DLL3: variants seen among roughly 807,000 people sequenced by gnomAD.
DLL3 encodes delta-like protein 3.
Under a neutral mutation model 55.0 loss-of-function variants are expected in DLL3, and 49 were observed. The observed-to-expected ratio is 0.89, with a 90% confidence interval of 0.71 to 1.13. The LOEUF (loss-of-function observed/expected upper bound fraction) is 1.13, where lower values mean the gene tolerates loss of function less well. DLL3 is among the 50% of genes most tolerant of loss of function. The pLI, the probability that DLL3 is intolerant of heterozygous loss-of-function variation, is 0.00. For synonymous variants in DLL3, 421 were observed against 385.2 expected (o/e 1.09, Z -1.09); for missense variants, 962 against 875.5 (o/e 1.10, Z -1.25).
chr19:39,502,179 T>A (rs2079613048), intron 3 of DLL3, among the ~76,000 whole-genome samples: 1 of 151,532 alleles, frequency 6.6e-6, no homozygotes, highest in Non-Finnish European at 1.5e-5. Flanking sequence ...AGAGTGAGAC[T>A]CCGTCGCAAA....
chr19:39,508,187 C>T (rs1247705790), intron 8 of DLL3, 65 bp from the exon 9 acceptor site: 33 of 1,614,024 alleles, frequency 2.0e-5, no homozygotes, highest in Middle Eastern at 1.6e-4. Flanking sequence ...TGATTGTACT[C>T]AGCGGGGAGG....
chr19:39,502,858 C>T lies in DLL3; in HGVS notation c.453C>T (p.Arg151=), dbSNP rs925186060. The change falls in exon 4 of 9, where the codon CGC becomes CGT. Residue 151 remains arginine, a synonymous_variant. Transcript: ENST00000356433. ...SLLARVAGRR[R]LAAGGPWARD... ...TGGCGCGCGTGGCTGGCAGGCGGCG[C>T]TTGGCAGCCGGAGGCCCGTGGGCCC... The T allele has an allele frequency of 3.5e-6, 5 of 1,414,922 alleles. No homozygotes were observed. Among genetic ancestry groups the T allele is most frequent in the Admixed American group, 5.9e-5 (2 of 33,672 alleles). The allele number at this position is 1,414,922 out of a possible 1,614,324, so 87.6% of individuals were successfully genotyped here. A position where few individuals can be genotyped will look rare whatever the true frequency, so the allele number is the denominator to read the frequency against.
At chr19:39,504,495 G>A (rs745509156) in intron 5 of DLL3, among the ~76,000 whole-genome samples, 9 of 152,190 alleles carry the variant, frequency 5.9e-5, no homozygotes, top group Non-Finnish European at 1.2e-4. Flanking sequence ...CAGGCTCAGT[G>A]GGTGGCCCCG....
Position 39,508,451 on chromosome 19 carries a change from A to C in DLL3, c.*194A>C. The C allele has an allele frequency of 3.0e-6, 2 of 659,464 alleles. No homozygotes were observed. The highest frequency in any genetic ancestry group is 3.6e-5 in the South Asian group (2 of 55,866). The allele number at this position is 659,464 out of a possible 1,614,324, so 40.9% of individuals were successfully genotyped here. On this transcript the variant is annotated 3_prime_UTR_variant, in exon 9 of 9. Transcript: ENST00000356433. ...CCCCATCTCTCTAGAAACACCTATA[A>C]AGGCTATTATTGTGATCAGTTTTGA...
At chr19:39,501,865 G>A (rs2079611024) in intron 3 of DLL3, among the ~76,000 whole-genome samples, 1 of 152,110 alleles carries the variant, frequency 6.6e-6, no homozygotes, top group Non-Finnish European at 1.5e-5. Flanking sequence ...GGGTGTTAGA[G>A]GTCTCATCAT....
At chr19:39,507,755 T>C (rs1164836237) in intron 7 of DLL3, 75 bp from the exon 8 acceptor site, 1 of 1,610,984 alleles carries the variant, frequency 6.2e-7, no homozygotes, top group Non-Finnish European at 8.5e-7. Context: ...TGGGTTCCCC[T>C]TTGTGATGGG....
At position 39,507,324 on chromosome 19, in the gene DLL3, T is replaced by C; in HGVS notation, c.1379T>C (p.Met460Thr). 2.6e-6 allele frequency: 4 copies of C among 1,566,576 alleles called. No homozygotes were observed. The highest frequency in any genetic ancestry group is 3.4e-6 in the Non-Finnish European group (4 of 1,163,978). The stretch of plus-strand genomic sequence containing the variant: ...GTCTGCGCTTGCGCTCCCGGCTACA[T>C]GGGAGCGCGGTGTGAGTTCCCAGTG... ...GLVCACAPGY[M>T]GARCEFPVHP... The change falls in exon 7 of 9, where the codon ATG becomes ACG. Residue 460 changes from methionine to threonine, a missense_variant. Physicochemically the swap from Met to Thr is moderately conservative, Grantham distance 81. Transcript: ENST00000356433.
chr19:39,507,259 T>G lies in DLL3; in HGVS notation c.1314T>G (p.Cys438Trp). The G allele has an allele frequency of 1.3e-6, 2 of 1,528,090 alleles. No homozygotes were observed. The highest frequency in any genetic ancestry group is 1.7e-6 in the Non-Finnish European group (2 of 1,143,918). 94.7% of individuals were successfully genotyped at this position (1,528,090 alleles called of 1,614,324 possible). ...CGGACCCGTGCGCCGCGCGCCCCTG[T>G]GCTCACGGCGGCCGCTGCTACGCCC... ...ERADPCAARP[C>W]AHGGRCYAHF... Residue 438 changes from cysteine (C) to tryptophan (W), a missense_variant, in exon 7 of 9, where the codon TGT (cysteine) becomes TGG (tryptophan). Cys to Trp is a radical substitution (Grantham distance 215). Coordinates refer to ENST00000356433, the MANE Select transcript of DLL3 (RefSeq NM_203486.3).
At chr19:39,508,005 G>A (rs368772580) in intron 8 of DLL3, 91 bp downstream of exon 8, 4 of 1,612,882 alleles carry the variant, frequency 2.5e-6, no homozygotes, top group Admixed American at 1.7e-5. Context: ...GATTCTGTCC[G>A]TGAAATGAAT....
rs917121840 is a variant in DLL3, at chr19:39,507,244, C to A, written c.1299C>A (p.Cys433Ter). The A allele has an allele frequency of 6.7e-7, 1 of 1,500,202 alleles. No homozygotes were observed. The highest frequency in any genetic ancestry group is 1.5e-5 in the African/African-American group (1 of 68,558). 92.9% of individuals were successfully genotyped at this position (1,500,202 alleles called of 1,614,324 possible). ...ACTGCCGCGAGCGCGCGGACCCGTG[C>A]GCCGCGCGCCCCTGTGCTCACGGCG... is the stretch of plus-strand genomic sequence containing the variant. Reference protein sequence around the residue: ...GRDCRERADPCAARPCAHGGR... With the variant: ...GRDCRERADP Residue 433 changes from cysteine to a stop codon, truncating the protein, a stop_gained, in exon 7 of 9, where the codon TGC becomes TGA. Transcript: ENST00000356433. LOFTEE classifies it high-confidence loss of function.
Position 39,499,565 on chromosome 19 carries a change from T to C in DLL3, c.351+92T>C, listed in dbSNP as rs73037248. ...CTCTCCCCTCCAGCTTCCAAGACCC[T>C]AATCCTGCCTCCCAGGGGGTGGACG... On this transcript the variant is annotated intron_variant, in intron 2 of 8. Coordinates refer to ENST00000356433, the MANE Select transcript of DLL3 (RefSeq NM_203486.3). The C allele has an allele frequency of 2.1e-3, 3,195 of 1,494,606 alleles. 2 individuals are homozygous for C. The highest frequency in any genetic ancestry group is 2.7e-3 in the Non-Finnish European group (3,042 of 1,113,282). 92.6% of individuals were successfully genotyped at this position (1,494,606 alleles called of 1,614,324 possible). A position where few individuals can be genotyped will look rare whatever the true frequency, so the allele number is the denominator to read the frequency against.
chr19:39,503,693 C>T (rs1032002659), intron 4 of DLL3, among the ~76,000 whole-genome samples: 1 of 152,222 alleles, frequency 6.6e-6, no homozygotes, highest in Non-Finnish European at 1.5e-5. Context: ...TCAATACACT[C>T]CCATCTTCCC....
Position 39,499,488 on chromosome 19 carries a change from C to T in DLL3, c.351+15C>T, listed in dbSNP as rs1243091098. The T allele has an allele frequency of 4.4e-6, 7 of 1,581,136 alleles. No individual in the cohort carries two copies. In the Admixed American group the frequency reaches 1.2e-4, roughly 27 times the overall value. On this transcript the variant is annotated intron_variant, in intron 2 of 8. Transcript: ENST00000356433. ...ACGCCTGGCCTGTAAGTGCTGCCCCCGGGGGACTCCCGGTGCTGGAGGCCT... is the reference window on the plus strand; with the variant it reads ...ACGCCTGGCCTGTAAGTGCTGCCCCTGGGGGACTCCCGGTGCTGGAGGCCT...
chr19:39,507,539 AC>A lies in DLL3; in HGVS notation c.1598del (p.Pro533ArgfsTer15). ...TGCTGGGTCTCGCTTGCTGGCTGGG[AC>A]CCCGGAGCCGTCAGTCCACGCACTC... ...QDAGSRLLAG[T>X]PEPSVHALPD... On this transcript the variant is annotated frameshift_variant, in exon 7 of 9. Transcript: ENST00000356433. LOFTEE classifies it high-confidence loss of function. 1.2e-6 allele frequency: 2 copies of A among 1,605,202 alleles called. No homozygotes were observed. Among genetic ancestry groups the A allele is most frequent in the Non-Finnish European group, 8.5e-7 (1 of 1,176,892 alleles).
At chr19:39,505,825 G>A (rs2079637325) in intron 6 of DLL3, among the ~76,000 whole-genome samples, 1 of 152,074 alleles carries the variant, frequency 6.6e-6, no homozygotes, top group South Asian at 2.1e-4. Flanking sequence ...GGACCCCCTG[G>A]GTCACAAGAA....
At chr19:39,504,019 G>A (rs1270518641) in intron 4 of DLL3, 52 bp from the exon 5 acceptor site, 21 of 1,574,804 alleles carry the variant, frequency 1.3e-5, no homozygotes, top group Non-Finnish European at 1.7e-5. Context: ...CTTGTCCCTG[G>A]CCCTCCCCGA....
At chr19:39,503,086 C>G in intron 4 of DLL3, 29 bp downstream of exon 4, 1 of 1,518,854 alleles carries the variant, frequency 6.6e-7, no homozygotes, top group Non-Finnish European at 8.8e-7. Context: ...CCCACCCCGT[C>G]CCAGCCGGGG....
At chr19:39,508,163 CA>C (rs1395270485) in intron 8 of DLL3, 88 bp from the exon 9 acceptor site, 1 of 1,613,986 alleles carries the variant, frequency 6.2e-7, no homozygotes, top group Non-Finnish European at 8.5e-7. Context: ...CCGACTCCGC[CA>C]GAGCTTTTCC....
chr19:39,503,090 G>A, intron 4 of DLL3, 33 bp downstream of exon 4: 2 of 1,517,320 alleles, frequency 1.3e-6, no homozygotes, highest in East Asian at 5.1e-5. Flanking sequence ...CCCCGTCCCA[G>A]CCGGGGACCC....
Sources: allele counts gnomAD v4.1 joint callset (sites outside exome capture counted in the v4.1 genomes callset), GRCh38; gene constraint gnomAD v4.1.1; transcripts MANE v1.5; gene names NCBI Gene and HGNC (gene_info 2026-07-23, HGNC 2026-07-21).